The following XKR4 variants were observed in gnomAD, a reference collection of about 807,000 sequenced individuals.
XKR4 encodes the protein XK-related protein 4.
In XKR4, 12 loss-of-function variants were observed where a neutral mutation model predicts 53.9. The ratio of observed to expected loss-of-function variants is 0.22; its 90% CI spans 0.14 to 0.36. XKR4 has a LOEUF of 0.36. XKR4 is among the 10% of genes least tolerant of loss of function. The pLI, the probability that XKR4 is intolerant of heterozygous loss-of-function variation, is 1.00. For synonymous variants in XKR4, 354 were observed against 362.4 expected (o/e 0.98, Z 0.26); for missense variants, 799 against 859.5 (o/e 0.93, Z 0.88).
Position 55,471,704 on chromosome 8 carries a change from G to A in XKR4, c.1007-51577G>A, listed in dbSNP as rs141936605. Among the ~76,000 whole-genome samples, 4 of 152,270 alleles carry A rather than the reference G, an allele frequency of 2.6e-5. No individual in the cohort carries two copies. In the East Asian group the frequency reaches 7.7e-4, roughly 29 times the overall value. On this transcript the variant is annotated intron_variant, in intron 2 of 2. Coordinates refer to ENST00000327381, the MANE Select transcript of XKR4 (RefSeq NM_052898.2). ...GCCTGGTGGGAGGTGATTGGATCATGGGGCAGATCCCTCATGAATGGTTAA... is the reference window on the plus strand; with the variant it reads ...GCCTGGTGGGAGGTGATTGGATCATAGGGCAGATCCCTCATGAATGGTTAA...
At chr8:55,348,186 G>A (rs938894527) in intron 1 of XKR4, among the ~76,000 whole-genome samples, 7 of 152,152 alleles carry the variant, frequency 4.6e-5, no homozygotes, top group Non-Finnish European at 1.5e-5. Flanking sequence ...AACATGCCTA[G>A]AGAAAATGAC....
chr8:55,514,697 T>A (rs772297550), intron 2 of XKR4, among the ~76,000 whole-genome samples: 2 of 152,106 alleles, frequency 1.3e-5, no homozygotes, highest in Non-Finnish European at 2.9e-5. Context: ...AATCATTCAG[T>A]GTCTTTTTTT....
intron 2 of XKR4, chr8:55,449,905 C>A: frequency 1.1e-6 from 1 of 881,346 alleles, no homozygotes; most frequent in South Asian, 1.3e-5. Flanking sequence ...CTGGCGGGAG[C>A]CAGATGCGGT....
intron 2 of XKR4, among the ~76,000 whole-genome samples, chr8:55,484,714 G>C (rs940482829): frequency 3.9e-5 from 6 of 152,292 alleles, no homozygotes; most frequent in Middle Eastern, 3.4e-3. Flanking sequence ...AGTAAAGAAG[G>C]CTGTCCTCCC....
chr8:55,489,609 G>C (rs1806243142), intron 2 of XKR4, among the ~76,000 whole-genome samples: 1 of 151,170 alleles, frequency 6.6e-6, no homozygotes, highest in Non-Finnish European at 1.5e-5. Flanking sequence ...AAAAAAAAAG[G>C]ATTATTATGA....
chr8:55,511,659 T>C (rs532170597), intron 2 of XKR4, among the ~76,000 whole-genome samples: 24 of 152,338 alleles, frequency 1.6e-4, no homozygotes, highest in Middle Eastern at 6.8e-3. Context: ...TCGCCCTTCC[T>C]TTTTTCCAAC....
intron 1 of XKR4, among the ~76,000 whole-genome samples, chr8:55,329,903 T>G (rs770865910): frequency 9.2e-5 from 14 of 152,230 alleles, no homozygotes; most frequent in Non-Finnish European, 1.8e-4. Context: ...GGTTTAAATA[T>G]GAGTCTACCA....
intron 2 of XKR4, among the ~76,000 whole-genome samples, chr8:55,499,631 C>T (rs1351327636): frequency 6.6e-6 from 1 of 152,174 alleles, no homozygotes; most frequent in Non-Finnish European, 1.5e-5. Context: ...TGGGACTGAT[C>T]ACGCCACTGA....
Position 55,504,460 on chromosome 8 carries a change from C to T in XKR4, c.1007-18821C>T, listed in dbSNP as rs1585610053. 2.0e-5 allele frequency among the ~76,000 whole-genome samples: 3 copies of T among 152,082 alleles called. No homozygotes were observed. The South Asian group carries it at 6.2e-4, about 32-fold the overall frequency. Reference sequence around the variant, plus strand: ...CAACTCCTGATCTCAGGCAATCTGCCCACCTCAGCCTCCCAAAGTGTTGGG... The same window carrying T: ...CAACTCCTGATCTCAGGCAATCTGCTCACCTCAGCCTCCCAAAGTGTTGGG... On this transcript the variant is annotated intron_variant, in intron 2 of 2. Transcript: ENST00000327381.
chr8:55,274,809 C>T lies in XKR4; in HGVS notation c.807-82869C>T, dbSNP rs190980867. On this transcript the variant is annotated intron_variant, in intron 1 of 2. Transcript: ENST00000327381. ...TAACTTAATCACCTCTTCAGAGGCC[C>T]TGTCTCCAAATACAGTGACATTCTC... Among the ~76,000 whole-genome samples, 94 of 152,300 alleles carry T rather than the reference C, an allele frequency of 6.2e-4. 2 individuals carry two copies. The East Asian group carries it at 0.013, about 21-fold the overall frequency.
Position 55,478,917 on chromosome 8 carries a change from A to G in XKR4, c.1007-44364A>G, listed in dbSNP as rs1440837245. 3.3e-5 allele frequency among the ~76,000 whole-genome samples: 5 copies of G among 152,248 alleles called. No homozygotes were observed. In the East Asian group the frequency reaches 9.6e-4, roughly 29 times the overall value. ...TCATAAAGCAAGTCCTTAGTGACAT[A>G]CAAAGAGACTTAGACTCCCACACAA... On this transcript the variant is annotated intron_variant, in intron 2 of 2. Coordinates refer to ENST00000327381, the MANE Select transcript of XKR4 (RefSeq NM_052898.2).
At chr8:55,110,160 G>C (rs544617535) in intron 1 of XKR4, among the ~76,000 whole-genome samples, 1 of 152,278 alleles carries the variant, frequency 6.6e-6, no homozygotes, top group East Asian at 1.9e-4. Context: ...AGTCAGGAGG[G>C]AATGTTTTAT....
At chr8:55,460,001 G>A (rs1805628281) in intron 2 of XKR4, among the ~76,000 whole-genome samples, 1 of 137,596 alleles carries the variant, frequency 7.3e-6, no homozygotes, top group Admixed American at 7.8e-5. Context: ...ATTCATAATA[G>A]CCAAATGCTG....
chr8:55,141,989 G>A, intron 1 of XKR4: 1 of 435,102 alleles, frequency 2.3e-6, no homozygotes, highest in South Asian at 1.7e-5. Flanking sequence ...ATTTCCAGGG[G>A]TGATAAAGCC....
chr8:55,170,113 G>A (rs993582497), intron 1 of XKR4, among the ~76,000 whole-genome samples: 13 of 152,268 alleles, frequency 8.5e-5, no homozygotes, highest in Non-Finnish European at 1.6e-4. Context: ...TTCACAGCAT[G>A]TTCTAAACAT....
At chr8:55,107,125 T>C (rs1816160259) in intron 1 of XKR4, among the ~76,000 whole-genome samples, 1 of 152,174 alleles carries the variant, frequency 6.6e-6, no homozygotes, top group Non-Finnish European at 1.5e-5. Context: ...AACAATTTTA[T>C]TGGCACTTTA....
intron 1 of XKR4, among the ~76,000 whole-genome samples, chr8:55,339,806 A>G (rs1327406496): frequency 6.6e-6 from 1 of 152,188 alleles, no homozygotes; most frequent in Non-Finnish European, 1.5e-5. Context: ...TCCACAAACC[A>G]CACTGGAAGT....
Position 55,458,679 on chromosome 8 carries a change from C to T in XKR4, c.1007-64602C>T, listed in dbSNP as rs192963267. 2.5e-3 allele frequency among the ~76,000 whole-genome samples: 386 copies of T among 152,262 alleles called. 2 individuals are homozygous for T. The highest frequency in any genetic ancestry group is 8.4e-3 in the African/African-American group (350 of 41,542). Reference sequence around the variant, plus strand: ...AAGTGGTCTTCCCCTGGCGTTCAGCCGGGAATGTCCCCAGACAAACTCTTC... The same window carrying T: ...AAGTGGTCTTCCCCTGGCGTTCAGCTGGGAATGTCCCCAGACAAACTCTTC... On this transcript the variant is annotated intron_variant, in intron 2 of 2. Transcript: ENST00000327381.
intron 2 of XKR4, among the ~76,000 whole-genome samples, chr8:55,428,299 T>C (rs1805047747): frequency 6.6e-6 from 1 of 152,152 alleles, no homozygotes; most frequent in Middle Eastern, 3.2e-3. Flanking sequence ...TTTTGCCTCA[T>C]ATGTTTCAGA....
Sources: allele counts gnomAD v4.1 joint callset (sites outside exome capture counted in the v4.1 genomes callset), GRCh38; gene constraint gnomAD v4.1.1; transcripts MANE v1.5; gene names NCBI Gene and HGNC (gene_info 2026-07-23, HGNC 2026-07-21).